Variants in RAMP1 observed in about 807,000 individuals in gnomAD.
RAMP1 encodes the protein receptor activity-modifying protein 1.
In RAMP1, 7 loss-of-function variants were observed where a neutral mutation model predicts 8.2. The ratio of observed to expected loss-of-function variants is 0.85; its 90% CI spans 0.49 to 1.60. RAMP1 has a LOEUF of 1.60. RAMP1 is among the 40% of genes most tolerant of loss of function. RAMP1 has a pLI of 0.00. For missense variants in RAMP1, 192 were observed against 202.4 expected (o/e 0.95, Z 0.31); for synonymous variants, 92 against 84.7 (o/e 1.09, Z -0.47).
At chr2:237,869,287 C>T (rs988305302) in intron 1 of RAMP1, among the ~76,000 whole-genome samples, 13 of 152,188 alleles carry the variant, frequency 8.5e-5, no homozygotes, top group African/African-American at 2.7e-4. Flanking sequence ...GTAAAGTATA[C>T]ACCACATAAA....
Position 237,877,217 on chromosome 2 carries a change from ATTTCAGCC to A in RAMP1, c.53-6_54del, listed in dbSNP as rs1559940125. ...CCGCCATCTCTTCATGGCCGTGTCTATTTCAGCCCATCACCTCTTCATGACCACTGCCT... is the reference window on the plus strand; with the variant it reads ...CCGCCATCTCTTCATGGCCGTGTCTACATCACCTCTTCATGACCACTGCCT... On this transcript the variant is annotated splice_acceptor_variant and splice_polypyrimidine_tract_variant and coding_sequence_variant and intron_variant, in exon 2 of 3. Transcript: ENST00000254661. LOFTEE classifies it high-confidence loss of function. The surrounding 1 kb of genome is among the most constrained non-coding windows in gnomAD (Gnocchi z 4.4). 6.2e-7 allele frequency: 1 copy of A among 1,613,622 alleles called. No homozygotes were observed. The highest frequency in any genetic ancestry group is 8.5e-7 in the Non-Finnish European group (1 of 1,179,958).
At chr2:237,895,587 C>G (rs2062533717) in intron 2 of RAMP1, among the ~76,000 whole-genome samples, 1 of 152,146 alleles carries the variant, frequency 6.6e-6, no homozygotes, top group Non-Finnish European at 1.5e-5. Flanking sequence ...GATGCCCGAA[C>G]AGGGACCAGC....
chr2:237,907,554 A>ATC (rs150998633), intron 2 of RAMP1, among the ~76,000 whole-genome samples: 1 of 38,964 alleles, frequency 2.6e-5, no homozygotes, highest in African/African-American at 6.1e-5. Flanking sequence ...TTCTACTGAC[A>ATC]TCTTCAATTT....
intron 2 of RAMP1, among the ~76,000 whole-genome samples, chr2:237,884,525 C>T (rs1286416381): frequency 1.3e-5 from 2 of 152,122 alleles, no homozygotes; most frequent in South Asian, 2.1e-4. Flanking sequence ...ATTTCCTCAC[C>T]TAAATAAGAA....
In RAMP1 at chr2:237,883,586, C is replaced by A. The variant is rs943942355; in HGVS notation, c.191+6224C>A. On this transcript the variant is annotated intron_variant, in intron 2 of 2. Coordinates refer to ENST00000254661, the MANE Select transcript of RAMP1 (RefSeq NM_005855.4). ...ATCCCAACACTTTGGGAGGCCAAGG[C>A]AGAAGAATTACTTAAGCCCAGGAGT... Among the ~76,000 whole-genome samples the A allele has an allele frequency of 7.9e-5, 12 of 152,144 alleles. 1 individual carries two copies. Among genetic ancestry groups the A allele is most frequent in the African/African-American group, 2.9e-4 (12 of 41,426 alleles).
intron 2 of RAMP1, among the ~76,000 whole-genome samples, chr2:237,907,713 C>G (rs2062667429): frequency 6.6e-6 from 1 of 152,164 alleles, no homozygotes; most frequent in Admixed American, 6.5e-5. Context: ...TATTGTCTGC[C>G]ATTTCCACTA....
intron 1 of RAMP1, among the ~76,000 whole-genome samples, chr2:237,875,561 C>T (rs1449968105): frequency 2.0e-5 from 3 of 152,282 alleles, no homozygotes; most frequent in African/African-American, 4.8e-5. Context: ...TGAGCTCCTC[C>T]GTGGGGCTTT....
At chr2:237,863,547 T>C (rs1283118768) in intron 1 of RAMP1, among the ~76,000 whole-genome samples, 2 of 152,232 alleles carry the variant, frequency 1.3e-5, no homozygotes, top group Non-Finnish European at 2.9e-5. Flanking sequence ...TCGTACTCAC[T>C]TCACCGAATG....
intron 1 of RAMP1, among the ~76,000 whole-genome samples, chr2:237,872,487 A>G (rs1051441854): frequency 1.3e-5 from 2 of 152,236 alleles, no homozygotes; most frequent in Non-Finnish European, 2.9e-5. Context: ...GCCCATCTGC[A>G]GCCGGGGCTC....
chr2:237,900,099 C>T (rs1231819841), intron 2 of RAMP1, among the ~76,000 whole-genome samples: 1 of 152,078 alleles, frequency 6.6e-6, no homozygotes, highest in Non-Finnish European at 1.5e-5. Flanking sequence ...TTTTAACAAA[C>T]CTTTTTTACG....
rs189457151 is a variant in RAMP1, at chr2:237,879,488, A to C, written c.191+2126A>C. Among the ~76,000 whole-genome samples the C allele has an allele frequency of 2.7e-3, 368 of 137,032 alleles. 1 individual carries two copies. The highest frequency in any genetic ancestry group is 0.011 in the African/African-American group (356 of 32,684). The allele number at this position is 137,032 out of a possible 152,430, so 89.9% of individuals were successfully genotyped here. ...AGTTGCTGGGAATTTTCGTTTTTTT[A>C]TTATTATTATTATTATGATACTTTA... On this transcript the variant is annotated intron_variant, in intron 2 of 2. Transcript: ENST00000254661.
chr2:237,886,294 T>C (rs1244659956), intron 2 of RAMP1, among the ~76,000 whole-genome samples: 2 of 152,166 alleles, frequency 1.3e-5, no homozygotes, highest in Non-Finnish European at 2.9e-5. Flanking sequence ...TTCTGCTGGT[T>C]TTCAGCACTG....
chr2:237,863,397 G>A lies in RAMP1; in HGVS notation c.52+3670G>A, dbSNP rs560296652. Among the ~76,000 whole-genome samples, 5 of 152,252 alleles carry A rather than the reference G, an allele frequency of 3.3e-5. No individual in the cohort carries two copies. The East Asian group carries it at 9.6e-4, about 29-fold the overall frequency. On this transcript the variant is annotated intron_variant, in intron 1 of 2. Coordinates refer to ENST00000254661, the MANE Select transcript of RAMP1 (RefSeq NM_005855.4). ...ACAGCAGACATATGAAGCCCTGGAG[G>A]GATGTCCTTGTCCCCAGTCCTCTCT...
intron 2 of RAMP1, among the ~76,000 whole-genome samples, chr2:237,882,143 C>T (rs2062376391): frequency 6.6e-6 from 1 of 152,170 alleles, no homozygotes; most frequent in South Asian, 2.1e-4. Context: ...TGCAAACGTC[C>T]ATCTCTGCTC....
At chr2:237,876,658 C>A (rs114355475) in intron 1 of RAMP1, among the ~76,000 whole-genome samples, 8,359 of 152,240 alleles carry the variant, frequency 0.055, 443 homozygotes, top group African/African-American at 0.14. Context: ...CCCCCGCCCC[C>A]ACCCAGCCAG....
chr2:237,876,272 C>T (rs1313452739), intron 1 of RAMP1, among the ~76,000 whole-genome samples: 2 of 152,190 alleles, frequency 1.3e-5, no homozygotes, highest in Non-Finnish European at 2.9e-5. Flanking sequence ...GCTCCCTGGG[C>T]CCGAGGCTGC....
chr2:237,870,660 G>A (rs375827580), intron 1 of RAMP1, among the ~76,000 whole-genome samples: 1 of 152,274 alleles, frequency 6.6e-6, no homozygotes, highest in East Asian at 1.9e-4. Flanking sequence ...GAAGAGTGCC[G>A]GTTGACAATG....
At chr2:237,906,175 G>A (rs895235494) in intron 2 of RAMP1, among the ~76,000 whole-genome samples, 107 of 152,066 alleles carry the variant, frequency 7.0e-4, no homozygotes, top group African/African-American at 2.4e-3. Context: ...AAACCGTCAC[G>A]ACTTCATGTG....
chr2:237,865,407 C>G lies in RAMP1; in HGVS notation c.52+5680C>G, dbSNP rs1430540024. On this transcript the variant is annotated intron_variant, in intron 1 of 2. Coordinates refer to ENST00000254661, the MANE Select transcript of RAMP1 (RefSeq NM_005855.4). This position sits in a 1 kb window ranked among gnomAD's most constrained non-coding sequence, Gnocchi z 4.2. ...CACCCCAGGCCACAGCCAGGGCTGCCAGGAAACATGGGAGCCCCAGGCAAA... is the reference window on the plus strand; with the variant it reads ...CACCCCAGGCCACAGCCAGGGCTGCGAGGAAACATGGGAGCCCCAGGCAAA... Among the ~76,000 whole-genome samples the G allele has an allele frequency of 1.3e-5, 2 of 151,840 alleles. No individual in the cohort carries two copies. The highest frequency in any genetic ancestry group is 4.8e-5 in the African/African-American group (2 of 41,300).
Sources: gnomAD v4.1 joint callset for allele counts (sites outside exome capture counted in the v4.1 genomes callset) on GRCh38, gnomAD v4.1.1 for gene constraint, Gnocchi (gnomAD v3.1) non-coding constraint, MANE v1.5 for transcripts, NCBI Gene and HGNC (gene_info 2026-07-23, HGNC 2026-07-21) for gene names.